The following MASP1 variants were observed in gnomAD, a reference collection of about 807,000 sequenced individuals.
The protein encoded by MASP1 is MBL associated serine protease 1.
In MASP1, 59 loss-of-function variants were observed where a neutral mutation model predicts 77.1. That is an observed-to-expected ratio of 0.77 (90% confidence interval 0.62 to 0.95). The LOEUF (loss-of-function observed/expected upper bound fraction) is 0.95. MASP1 is among the 40% of genes least tolerant of loss of function. The pLI is 0.00. For synonymous variants in MASP1, 362 were observed against 354.5 expected (o/e 1.02, Z -0.24); for missense variants, 885 against 912.9 (o/e 0.97, Z 0.39).
chr3:187,283,113 C>T (rs550310161), intron 2 of MASP1, among the ~76,000 whole-genome samples: 13 of 152,082 alleles, frequency 8.5e-5, no homozygotes, highest in Non-Finnish European at 1.8e-4. Flanking sequence ...ATGTAAGGGC[C>T]CAGGACCATG....
intron 2 of MASP1, among the ~76,000 whole-genome samples, chr3:187,273,758 T>C (rs943858340): frequency 6.6e-6 from 1 of 152,212 alleles, no homozygotes; most frequent in African/African-American, 2.4e-5. Context: ...GCATCTGGTA[T>C]GTGTTTGCAT....
intron 2 of MASP1, among the ~76,000 whole-genome samples, chr3:187,266,041 C>T (rs886873972): frequency 2.6e-5 from 4 of 152,200 alleles, no homozygotes; most frequent in African/African-American, 4.8e-5. Flanking sequence ...ACTGTCCCCT[C>T]TCAGAGGTCA....
intron 12 of MASP1, chr3:187,226,303 A>C: frequency 1.2e-6 from 1 of 854,260 alleles, no homozygotes; most frequent in Non-Finnish European, 2.0e-6. Context: ...GCCCTGACAA[A>C]TGAGTGAGCG....
chr3:187,244,447 G>C (rs1713919213), intron 8 of MASP1: 1 of 152,184 alleles, frequency 6.6e-6, no homozygotes, highest in African/African-American at 2.4e-5. Context: ...AGAGGCTCTG[G>C]ACCCAAATTT....
chr3:187,220,948 G>A (rs1025802962), intron 15 of MASP1: 5 of 1,096,758 alleles, frequency 4.6e-6, no homozygotes, highest in African/African-American at 1.5e-5. Flanking sequence ...CAGCCCACCA[G>A]GTTGGGAGGC....
chr3:187,283,148 C>G (rs940248722), intron 2 of MASP1, among the ~76,000 whole-genome samples: 7 of 152,198 alleles, frequency 4.6e-5, no homozygotes, highest in African/African-American at 1.4e-4. Context: ...GGGCCCATGT[C>G]CATCTACTTG....
chr3:187,236,715 G>A, intron 10 of MASP1, 148 bp from the exon 11 acceptor site: 1 of 1,396,960 alleles, frequency 7.2e-7, no homozygotes, highest in Non-Finnish European at 9.9e-7. Flanking sequence ...GCTAGCCTGG[G>A]AGAGCTCTAC....
chr3:187,281,303 G>A (rs1717389700), intron 2 of MASP1, among the ~76,000 whole-genome samples: 1 of 151,982 alleles, frequency 6.6e-6, no homozygotes, highest in African/African-American at 2.4e-5. Context: ...CTGATGAGCA[G>A]TATGAGCAGT....
intron 4 of MASP1, among the ~76,000 whole-genome samples, chr3:187,257,190 G>T (rs62294454): frequency 6.6e-6 from 1 of 151,926 alleles, no homozygotes; most frequent in Admixed American, 6.6e-5. Context: ...GGGATGCCTG[G>T]ACCTCTGTGA....
chr3:187,252,087 G>A (rs1334626191), intron 6 of MASP1, among the ~76,000 whole-genome samples: 1 of 152,172 alleles, frequency 6.6e-6, no homozygotes, highest in East Asian at 1.9e-4. Context: ...CAAACAGACT[G>A]CTCAGCTAGG....
In MASP1 at chr3:187,253,526, C is replaced by A. The variant is rs566974721; in HGVS notation, c.745-211G>T. On this transcript the variant is annotated intron_variant, in intron 5 of 10. Transcript: ENST00000296280. ...TTTTATAATTTACAATGGCTCTTGACGTGGACAAGGCAGGTTAATAATCCT... is the reference window on the plus strand; with the variant it reads ...TTTTATAATTTACAATGGCTCTTGAAGTGGACAAGGCAGGTTAATAATCCT... 8.5e-5 allele frequency among the ~76,000 whole-genome samples: 13 copies of A among 152,200 alleles called. No homozygotes were observed. The Middle Eastern group carries it at 0.01, about 119-fold the overall frequency.
intron 1 of MASP1, among the ~76,000 whole-genome samples, chr3:187,290,759 T>A (rs954389610): frequency 7.7e-6 from 1 of 130,332 alleles, no homozygotes; most frequent in African/African-American, 2.8e-5. Flanking sequence ...GACTTACACA[T>A]CTGCAGAGCA....
intron 10 of MASP1, 149 bp downstream of exon 10, chr3:187,241,332 T>C (rs748304555): frequency 4.9e-5 from 34 of 699,010 alleles, no homozygotes; most frequent in Non-Finnish European, 7.3e-5. Flanking sequence ...AAGTCTTCTC[T>C]GACCTTTAAC....
At chr3:187,252,796 ATCCAAATTCTAGCC>A (rs1714729176) in intron 6 of MASP1, among the ~76,000 whole-genome samples, 1 of 152,168 alleles carries the variant, frequency 6.6e-6, no homozygotes, top group Non-Finnish European at 1.5e-5. Flanking sequence ...AGAAACCCAC[ATCCAAATTCTAGCC>A]CTAGACTTGG....
chr3:187,251,899 A>T, intron 6 of MASP1, 147 bp from the exon 7 acceptor site: 1 of 713,262 alleles, frequency 1.4e-6, no homozygotes, highest in Non-Finnish European at 2.5e-6. Context: ...CCTGCAAGAG[A>T]CTAATTCTGG....
Position 187,241,489 on chromosome 3 carries a change from C to A in MASP1, c.1295G>T (p.Cys432Phe). ...TTTGGAGGGTGAGGTACCTGGAAGG[C>A]AGGTGGGTAGGCTTCTCCCCAATAC... ...NKVLGRSLPT[C>F]LPECGQPSRS... The change falls in exon 10 of 11, where the codon TGC becomes TTC. Residue 432 changes from cysteine to phenylalanine, a missense_variant. By Grantham distance (205) the Cys-to-Phe change is radical. Coordinates refer to ENST00000296280, the MANE Select transcript of MASP1 (RefSeq NM_139125.4). The A allele has an allele frequency of 6.2e-7, 1 of 1,613,634 alleles. No individual in the cohort carries two copies.
At chr3:187,221,848 G>A (rs1249196940) in intron 14 of MASP1, among the ~76,000 whole-genome samples, 1 of 152,132 alleles carries the variant, frequency 6.6e-6, no homozygotes, top group African/African-American at 2.4e-5. Flanking sequence ...CAGCAAAATC[G>A]ATACATAAAA....
chr3:187,229,904 C>G, downstream of MASP1: 1 of 1,614,126 alleles, frequency 6.2e-7, no homozygotes. Flanking sequence ...CACACTGCAT[C>G]CAAGGGAGGG....
In MASP1 at chr3:187,234,168, A is replaced by C; in HGVS notation, c.*1516T>G. 1.6e-6 allele frequency: 2 copies of C among 1,287,266 alleles called. No individual in the cohort carries two copies. The highest frequency in any genetic ancestry group is 2.0e-6 in the Non-Finnish European group (2 of 988,694). 79.7% of individuals were successfully genotyped at this position (1,287,266 alleles called of 1,614,324 possible). ...GGCCCTTTACAGAATGGTGAAGCAT[A>C]TGATATAAAAGATACAAAATATAAC... is the stretch of plus-strand genomic sequence containing the variant. On this transcript the variant is annotated 3_prime_UTR_variant, in exon 11 of 11. Transcript: ENST00000296280.
Sources: allele counts gnomAD v4.1 joint callset (sites outside exome capture counted in the v4.1 genomes callset), GRCh38; gene constraint gnomAD v4.1.1; transcripts MANE v1.5; gene names NCBI Gene and HGNC (gene_info 2026-07-23, HGNC 2026-07-21).